Variants in RYR3 observed in about 807,000 individuals in gnomAD.
RYR3 encodes the protein brain ryanodine receptor-calcium release channel.
A neutral mutation model predicts 584.3 loss-of-function variants in RYR3; 207 were observed. That is an observed-to-expected ratio of 0.35 (90% CI 0.32 to 0.40). The LOEUF (loss-of-function observed/expected upper bound fraction) is 0.40. Among genes scored for constraint, RYR3 ranks in the 10% least tolerant of loss-of-function variants. The pLI is 1.00. For missense variants in RYR3, 5,616 were observed against 6,089.2 expected, an observed-to-expected ratio of 0.92 and a Z score of 2.59; for synonymous variants, 2,416 against 2,248.5, an observed-to-expected ratio of 1.07 and a Z score of -2.11.
chr15:33,623,840 GT>G lies in RYR3; in HGVS notation c.2394del (p.Phe798LeufsTer22), dbSNP rs774680254. ...RFLMGGRHGE[F>X]KFLPPSGYAP... ...TCCTGATGGGTGGACGTCATGGAGA[GT>G]TTAAGTTCCTGCCTCCCTCTGGCTA... On this transcript the variant is annotated frameshift_variant, in exon 20 of 104. Coordinates refer to ENST00000634891, the MANE Select transcript of RYR3 (RefSeq NM_001036.6). LOFTEE classifies it high-confidence loss of function. The G allele has an allele frequency of 6.2e-7, 1 of 1,613,808 alleles. No homozygotes were observed. Among genetic ancestry groups the G allele is most frequent in the Non-Finnish European group, 8.5e-7 (1 of 1,179,696 alleles).
At chr15:33,594,249 A>G (rs1053581519) in intron 16 of RYR3, among the ~76,000 whole-genome samples, 6 of 152,228 alleles carry the variant, frequency 3.9e-5, no homozygotes, top group African/African-American at 1.4e-4. Context: ...AAGCCTTGGT[A>G]AAATAACCAG....
In RYR3 at chr15:33,865,350, AC is replaced by A. The variant is rs1890146560; in HGVS notation, c.*125del. On this transcript the variant is annotated 3_prime_UTR_variant, in exon 104 of 104. Transcript: ENST00000634891. The stretch of plus-strand genomic sequence containing the variant: ...TCTAAATGCCTCCCTTAAAAAAAAA[AC>A]TGCTGAAAATCTGTGCTATTTTGAA... The A allele has an allele frequency of 1.2e-5, 8 of 685,344 alleles. No individual in the cohort carries two copies. The African/African-American group carries it at 1.5e-4, about 12-fold the overall frequency. The allele number at this position is 685,344 out of a possible 1,614,324, so 42.5% of individuals were successfully genotyped here.
intron 94 of RYR3, among the ~76,000 whole-genome samples, chr15:33,848,741 C>T (rs529999111): frequency 2.0e-5 from 3 of 150,976 alleles, no homozygotes; most frequent in East Asian, 2.0e-4. Flanking sequence ...GTGGCCAAGG[C>T]GTCTAGAGAT....
chr15:33,371,429 T>C (rs1021462981), intron 1 of RYR3, among the ~76,000 whole-genome samples: 1 of 152,150 alleles, frequency 6.6e-6, no homozygotes, highest in African/African-American at 2.4e-5. Flanking sequence ...CAAGTGACAA[T>C]GTGATGGCTG....
rs568231644 is a variant in RYR3 at position 33,481,640 on chromosome 15, C to T, written c.171+8102C>T. Among the ~76,000 whole-genome samples the T allele has an allele frequency of 6.6e-5, 10 of 152,068 alleles. No individual in the cohort carries two copies. In the South Asian group the frequency reaches 1.7e-3, roughly 25 times the overall value. ...GGATTACAGGCACCTGCCACCAGGC[C>T]CAGCTAATTTTTTGTATATTTAGTA... On this transcript the variant is annotated intron_variant, in intron 2 of 103. Coordinates refer to ENST00000634891, the MANE Select transcript of RYR3 (RefSeq NM_001036.6).
chr15:33,768,807 G>T, intron 61 of RYR3, 100 bp downstream of exon 61: 1 of 1,135,696 alleles, frequency 8.8e-7, no homozygotes, highest in Admixed American at 1.7e-5. Flanking sequence ...CGGGCCTTGG[G>T]ACTAAGGTGT....
intron 67 of RYR3, among the ~76,000 whole-genome samples, chr15:33,792,648 G>A (rs1029940063): frequency 6.6e-6 from 1 of 152,198 alleles, no homozygotes; most frequent in African/African-American, 2.4e-5. Flanking sequence ...TTCGTTTGGT[G>A]CACAAAATTT....
chr15:33,382,373 G>T (rs1595912466), intron 1 of RYR3, among the ~76,000 whole-genome samples: 1 of 140,218 alleles, frequency 7.1e-6, no homozygotes, highest in Admixed American at 7.4e-5. Flanking sequence ...GCCCAGGCTG[G>T]AGTACAGTGG....
At chr15:33,523,890 C>A (rs1463421151) in intron 3 of RYR3, among the ~76,000 whole-genome samples, 1 of 151,940 alleles carries the variant, frequency 6.6e-6, no homozygotes, top group Non-Finnish European at 1.5e-5. Flanking sequence ...GCCTCTCTAG[C>A]GTTTCCGTGT....
intron 103 of RYR3, among the ~76,000 whole-genome samples, chr15:33,864,526 G>A (rs919440469): frequency 3.3e-5 from 5 of 152,290 alleles, no homozygotes; most frequent in Middle Eastern, 3.4e-3. Flanking sequence ...AGAGTACAAC[G>A]GAGTGAGAGA....
intron 1 of RYR3, among the ~76,000 whole-genome samples, chr15:33,378,377 GGGA>G (rs1408755961): frequency 6.6e-6 from 1 of 152,136 alleles, no homozygotes; most frequent in Non-Finnish European, 1.5e-5. Flanking sequence ...GTTGCTTCCT[GGGA>G]GAAGTGTCAA....
chr15:33,652,551 G>T (rs894730104), intron 31 of RYR3, among the ~76,000 whole-genome samples, 167 bp from the exon 32 acceptor site: 2 of 152,140 alleles, frequency 1.3e-5, no homozygotes, highest in Non-Finnish European at 2.9e-5. Context: ...GAGTAAATTG[G>T]ATTGAAGCTA....
chr15:33,598,885 C>G (rs1284002211), intron 16 of RYR3, among the ~76,000 whole-genome samples: 1 of 152,052 alleles, frequency 6.6e-6, no homozygotes, highest in Non-Finnish European at 1.5e-5. Flanking sequence ...AACCCTGTCT[C>G]TACTAAAAAA....
chr15:33,776,777 T>C (rs1261084255), intron 64 of RYR3, among the ~76,000 whole-genome samples: 2 of 146,960 alleles, frequency 1.4e-5, no homozygotes, highest in Non-Finnish European at 2.9e-5. Flanking sequence ...CTTTGATGAC[T>C]TTGTCTTTTC....
At position 33,756,321 on chromosome 15, in the gene RYR3, G is replaced by T. The variant is rs758525574; in HGVS notation, c.8531G>T (p.Ser2844Ile). Residue 2844 changes from serine to isoleucine, a missense_variant, in exon 59 of 104, where the codon AGT (serine) becomes ATT (isoleucine). By Grantham distance (142) the Ser-to-Ile change is moderately radical. Transcript: ENST00000634891. ...FIAHLEAIVS[S>I]GKTEKSPRDQ... ...GTCTTCGTAGAAGCCATTGTCAGCAGTGGGAAAACTGAAAAGTCTCCCCGT... is the reference window on the plus strand; with the variant it reads ...GTCTTCGTAGAAGCCATTGTCAGCATTGGGAAAACTGAAAAGTCTCCCCGT... The T allele has an allele frequency of 1.5e-5, 24 of 1,579,874 alleles. No homozygotes were observed. Among genetic ancestry groups the T allele is most frequent in the South Asian group, 1.2e-4 (10 of 85,902 alleles).
chr15:33,662,286 C>A lies in RYR3; in HGVS notation c.4756C>A (p.Leu1586Ile). ...VAYALCSHVD[L>I]SQLFYAIDNK... Reference sequence around the variant, plus strand: ...CTACGCCCTGTGCAGCCACGTGGACCTCTCCCAGCTCTTCTATGCCATTGA... The same window carrying A: ...CTACGCCCTGTGCAGCCACGTGGACATCTCCCAGCTCTTCTATGCCATTGA... Residue 1586 changes from leucine (L) to isoleucine (I), a missense_variant, in exon 35 of 104, where the codon CTC (leucine) becomes ATC (isoleucine). Leu to Ile is a conservative substitution (Grantham distance 5, BLOSUM62 2). Coordinates refer to ENST00000634891, the MANE Select transcript of RYR3 (RefSeq NM_001036.6). The A allele has an allele frequency of 6.2e-7, 1 of 1,611,082 alleles. No individual in the cohort carries two copies. Among genetic ancestry groups the A allele is most frequent in the South Asian group, 1.1e-5 (1 of 90,168 alleles).
At chr15:33,690,994 A>T (rs1566959494) in intron 38 of RYR3, among the ~76,000 whole-genome samples, 1 of 152,204 alleles carries the variant, frequency 6.6e-6, no homozygotes, top group Non-Finnish European at 1.5e-5. Flanking sequence ...CTGGATTCTT[A>T]TATCTGGTTA....
chr15:33,540,513 T>A (rs982868548), intron 6 of RYR3, among the ~76,000 whole-genome samples: 1 of 152,186 alleles, frequency 6.6e-6, no homozygotes. Flanking sequence ...CTACAAAGAA[T>A]GGACATTTTA....
At chr15:33,403,669 CAT>C (rs963922112) in intron 1 of RYR3, among the ~76,000 whole-genome samples, 72 of 152,196 alleles carry the variant, frequency 4.7e-4, no homozygotes, top group African/African-American at 1.6e-3. Flanking sequence ...TTTTAGAAAA[CAT>C]AAAATGAATC....
Sources: gnomAD v4.1 joint callset for allele counts (sites outside exome capture counted in the v4.1 genomes callset) on GRCh38, gnomAD v4.1.1 for gene constraint, MANE v1.5 for transcripts, NCBI Gene and HGNC (gene_info 2026-07-23, HGNC 2026-07-21) for gene names.